Variants in ESPNL observed in about 807,000 individuals in gnomAD.
ESPNL encodes the protein espin like.
ESPNL carries 49 observed loss-of-function variants against 46.8 expected under a neutral mutation model. That is an observed-to-expected ratio of 1.05 (90% CI 0.83 to 1.33). The LOEUF is 1.33. Among genes scored for constraint, ESPNL ranks in the 40% most tolerant of loss-of-function variants. ESPNL has a pLI of 0.00. For synonymous variants in ESPNL, 664 were observed against 662.1 expected, an observed-to-expected ratio of 1.00 and a Z score of -0.04; for missense variants, 1,540 against 1,436.6, an observed-to-expected ratio of 1.07 and a Z score of -1.16.
intron 5 of ESPNL, among the ~76,000 whole-genome samples, chr2:238,122,356 A>G (rs35314590): frequency 0.19 from 29,387 of 152,224 alleles, 3,132 homozygotes; most frequent in African/African-American, 0.28. Flanking sequence ...CAGCAGCGTC[A>G]AGGTCTGAAT....
rs955916165 is a variant in ESPNL, at chr2:238,128,909, G to A, written c.1413+5G>A. The A allele has an allele frequency of 7.2e-5, 110 of 1,535,396 alleles. No individual in the cohort carries two copies. Among genetic ancestry groups the A allele is most frequent in the Non-Finnish European group, 8.6e-5 (98 of 1,142,984 alleles). On this transcript the variant is annotated splice_donor_5th_base_variant and intron_variant, in intron 8 of 8. Coordinates refer to ENST00000343063, the MANE Select transcript of ESPNL (RefSeq NM_194312.4). ...GAGAGCTCCGCAGAGGCCCAGGTAG[G>A]CCCCCGGCAGGGGCGGGACCAGTGG...
chr2:238,117,595 C>T (rs1691845272), intron 5 of ESPNL, among the ~76,000 whole-genome samples: 1 of 152,240 alleles, frequency 6.6e-6, no homozygotes. Flanking sequence ...CAGCAGATTC[C>T]AGCCCTGGCT....
In ESPNL at chr2:238,128,876, T is replaced by A. The variant is rs1006922064; in HGVS notation, c.1385T>A (p.Leu462Gln). The change falls in exon 8 of 9, where the codon CTG becomes CAG. Residue 462 changes from leucine to glutamine, a missense_variant. Transcript: ENST00000343063. The stretch of plus-strand genomic sequence containing the variant: ...ATGGTGCGGAAGCTGCAGGCGCGCC[T>A]GGGCGCAGAGAGCTCCGCAGAGGCC... ...QVMVRKLQAR[L>Q]GAESSAEAQD... 7 of 1,544,676 alleles carry A rather than the reference T, an allele frequency of 4.5e-6. No individual in the cohort carries two copies. The African/African-American group carries it at 9.6e-5, about 21-fold the overall frequency.
rs567932254 is a variant in ESPNL, at chr2:238,112,451, G to A, written c.856-4452G>A. On this transcript the variant is annotated intron_variant, in intron 4 of 8. Coordinates refer to ENST00000343063, the MANE Select transcript of ESPNL (RefSeq NM_194312.4). ...GATGTTAGTCAGTAGTTTTTCCAAC[G>A]ATCAGGTTTTAACTTATTCAAGGTC... Among the ~76,000 whole-genome samples, 15 of 149,442 alleles carry A rather than the reference G, an allele frequency of 1.0e-4. No homozygotes were observed. In the South Asian group the frequency reaches 2.1e-3, roughly 21 times the overall value.
chr2:238,118,333 G>GA (rs1469712566), intron 5 of ESPNL, among the ~76,000 whole-genome samples: 1 of 133,436 alleles, frequency 7.5e-6, no homozygotes, highest in Non-Finnish European at 1.6e-5. Flanking sequence ...GGTGGAGAAG[G>GA]TGGATGGAGG....
chr2:238,111,653 A>G (rs1001047017), intron 4 of ESPNL, among the ~76,000 whole-genome samples: 1 of 152,208 alleles, frequency 6.6e-6, no homozygotes, highest in East Asian at 1.9e-4. Flanking sequence ...CATTGTATGT[A>G]TATACCACAT....
At position 238,100,723 on chromosome 2, in the gene ESPNL, G is replaced by T. The variant is rs1259402262; in HGVS notation, c.294+10G>T. 7 of 1,410,838 alleles carry T rather than the reference G, an allele frequency of 5.0e-6. No homozygotes were observed. The highest frequency in any genetic ancestry group is 6.4e-6 in the Non-Finnish European group (7 of 1,092,384). The allele number at this position is 1,410,838 out of a possible 1,614,324, so 87.4% of individuals were successfully genotyped here. A position where few individuals can be genotyped will look rare whatever the true frequency, so the allele number is the denominator to read the frequency against. On this transcript the variant is annotated intron_variant, in intron 1 of 8. Coordinates refer to ENST00000343063, the MANE Select transcript of ESPNL (RefSeq NM_194312.4). ...GGGCTGCGGTCTGCAGGTGAGCGGG[G>T]ATGGGGCAGCCTGGCTCCACGAAGC...
Position 238,128,883 on chromosome 2 carries a change from A to G in ESPNL, c.1392A>G (p.Ala464=). The G allele has an allele frequency of 1.3e-6, 2 of 1,543,596 alleles. No homozygotes were observed. The highest frequency in any genetic ancestry group is 1.2e-5 in the South Asian group (1 of 83,928). Residue 464 remains alanine (A), a synonymous_variant, in exon 8 of 9, where the codon GCA becomes GCG. Coordinates refer to ENST00000343063, the MANE Select transcript of ESPNL (RefSeq NM_194312.4). ...GGAAGCTGCAGGCGCGCCTGGGCGC[A>G]GAGAGCTCCGCAGAGGCCCAGGTAG... ...MVRKLQARLG[A]ESSAEAQDNG...
At chr2:238,128,398 C>T (rs1031204728) in intron 7 of ESPNL, among the ~76,000 whole-genome samples, 1 of 152,214 alleles carries the variant, frequency 6.6e-6, no homozygotes, top group Non-Finnish European at 1.5e-5. Context: ...CCCAGGGATA[C>T]GGTGCGCTCC....
intron 4 of ESPNL, among the ~76,000 whole-genome samples, chr2:238,108,302 A>G (rs1691644895): frequency 1.3e-5 from 2 of 152,242 alleles, no homozygotes; most frequent in East Asian, 1.9e-4. Context: ...GCCTGCGAGT[A>G]GAGCTGTGGC....
intron 5 of ESPNL, among the ~76,000 whole-genome samples, chr2:238,121,885 G>A (rs150393401): frequency 4.6e-5 from 7 of 152,340 alleles, no homozygotes; most frequent in Non-Finnish European, 7.4e-5. Context: ...CTCTCCTCCC[G>A]CTGGGAAGGG....
intron 6 of ESPNL, among the ~76,000 whole-genome samples, chr2:238,127,092 GTGTC>G (rs1183201637): frequency 1.1e-5 from 1 of 94,716 alleles, no homozygotes. Context: ...GTGTATGATT[GTGTC>G]TGTGTCTGTA....
intron 1 of ESPNL, among the ~76,000 whole-genome samples, 185 bp from the exon 2 acceptor site, chr2:238,101,756 C>G (rs1429258025): frequency 1.3e-5 from 2 of 152,218 alleles, no homozygotes; most frequent in African/African-American, 4.8e-5. Context: ...CCTCCTCTCA[C>G]CTCAGTCCCA....
At chr2:238,107,582 T>A (rs548424848) in intron 3 of ESPNL, among the ~76,000 whole-genome samples, 16 of 152,256 alleles carry the variant, frequency 1.1e-4, no homozygotes, top group African/African-American at 3.6e-4. Context: ...TGCGCTCACT[T>A]CACCCCCACC....
At position 238,128,790 on chromosome 2, in the gene ESPNL, C is replaced by G. The variant is rs761619561; in HGVS notation, c.1299C>G (p.Asp433Glu). 9 of 1,573,012 alleles carry G rather than the reference C, an allele frequency of 5.7e-6. No individual in the cohort carries two copies. The South Asian group carries it at 9.3e-5, about 16-fold the overall frequency. The change falls in exon 8 of 9, where the codon GAC (aspartate) becomes GAG (glutamate). Residue 433 changes from aspartate to glutamate, a missense_variant. By Grantham distance (45) the Asp-to-Glu change is conservative (BLOSUM62 2). Transcript: ENST00000343063. ...QLDGLPSGDI[D>E]GLVPTRDERG... ...ATGGGCTGCCCTCAGGCGACATCGA[C>G]GGGCTGGTGCCCACGCGGGATGAGC...
chr2:238,108,272 C>T (rs371936483), intron 4 of ESPNL, among the ~76,000 whole-genome samples: 1 of 152,198 alleles, frequency 6.6e-6, no homozygotes, highest in African/African-American at 2.4e-5. Context: ...GCCCTTGGGG[C>T]GGACCCTCTG....
At chr2:238,119,933 C>T (rs931534810) in intron 5 of ESPNL, among the ~76,000 whole-genome samples, 11 of 152,170 alleles carry the variant, frequency 7.2e-5, no homozygotes, top group Admixed American at 6.5e-4. Context: ...CCACTGGGGC[C>T]TCTGTTGGCA....
At chr2:238,100,820 C>T (rs1691451638) in intron 1 of ESPNL, 107 bp downstream of exon 1, 2 of 1,003,460 alleles carry the variant, frequency 2.0e-6, no homozygotes, top group Admixed American at 3.9e-5. Context: ...CTCCATGGCC[C>T]TGGGCCCTTT....
chr2:238,106,092 C>T (rs751435497), intron 3 of ESPNL, among the ~76,000 whole-genome samples: 5 of 152,220 alleles, frequency 3.3e-5, no homozygotes, highest in East Asian at 1.9e-4. Flanking sequence ...ACCAGGCACA[C>T]GGCGTGTCTG....
Sources: gnomAD v4.1 joint callset for allele counts (sites outside exome capture counted in the v4.1 genomes callset) on GRCh38, gnomAD v4.1.1 for gene constraint, MANE v1.5 for transcripts, NCBI Gene and HGNC (gene_info 2026-07-23, HGNC 2026-07-21) for gene names.